MKX: variants seen among roughly 807,000 people sequenced by gnomAD.
MKX encodes mohawk homeobox.
Under a neutral mutation model 36.0 loss-of-function variants are expected in MKX, and 13 were observed. The ratio of observed to expected loss-of-function variants is 0.36; its 90% CI spans 0.24 to 0.57. MKX has a LOEUF of 0.57. Ranked by LOEUF, MKX falls within the 20% of genes least tolerant of loss-of-function variation. The probability of loss-of-function intolerance (pLI) is 0.79; values close to 1 mark genes in which losing one functional copy is unlikely to be tolerated. For synonymous variants in MKX, 176 were observed against 178.3 expected, an observed-to-expected ratio of 0.99 and a Z score of 0.10; for missense variants, 458 against 456.4, an observed-to-expected ratio of 1.00 and a Z score of -0.03.
rs1017119407 is a variant in MKX at position 27,744,480 on chromosome 10, C to T, written c.-82-983G>A. Among the ~76,000 whole-genome samples the T allele has an allele frequency of 2.6e-5, 4 of 152,048 alleles. No homozygotes were observed. In the South Asian group the frequency reaches 8.3e-4, roughly 32 times the overall value. Reference sequence around the variant, plus strand: ...AGCTCACCTCTGGGGTCGCGGAGGCCCTGAGCCTCTGCCTGCCGCGCACCG... The same window carrying T: ...AGCTCACCTCTGGGGTCGCGGAGGCTCTGAGCCTCTGCCTGCCGCGCACCG... On this transcript the variant is annotated intron_variant, in intron 1 of 6. Coordinates refer to ENST00000419761, the MANE Select transcript of MKX (RefSeq NM_173576.3). This position sits in a 1 kb window ranked among gnomAD's most constrained non-coding sequence, Gnocchi z 5.6.
chr10:27,737,228 T>C (rs888730579), intron 3 of MKX, among the ~76,000 whole-genome samples: 2 of 152,184 alleles, frequency 1.3e-5, no homozygotes, highest in South Asian at 4.1e-4. Context: ...ATCCGACTAC[T>C]TTATCCAGCC....
intron 5 of MKX, among the ~76,000 whole-genome samples, chr10:27,693,550 A>G (rs368190867): frequency 1.8e-4 from 28 of 152,324 alleles, no homozygotes; most frequent in African/African-American, 6.7e-4. Flanking sequence ...AGGCCATTTC[A>G]TGGAAATTTA....
chr10:27,745,159 C>T (rs921783910), intron 1 of MKX, among the ~76,000 whole-genome samples: 4 of 152,158 alleles, frequency 2.6e-5, no homozygotes, highest in African/African-American at 9.7e-5. Flanking sequence ...CTCCTAGATG[C>T]GACGACGTGT....
intron 5 of MKX, among the ~76,000 whole-genome samples, chr10:27,683,392 G>A (rs1330856644): frequency 6.6e-6 from 1 of 152,252 alleles, no homozygotes; most frequent in African/African-American, 2.4e-5. Flanking sequence ...TATGCAGAAG[G>A]CTATGCCGTC....
At chr10:27,735,098 T>A (rs1451148339) in intron 4 of MKX, 123 bp downstream of exon 4, 2 of 867,688 alleles carry the variant, frequency 2.3e-6, no homozygotes, top group African/African-American at 1.7e-5. Flanking sequence ...AGTTACTTCA[T>A]GCAATAAAAA....
intron 5 of MKX, among the ~76,000 whole-genome samples, chr10:27,723,541 T>C (rs1424220113): frequency 6.6e-6 from 1 of 152,206 alleles, no homozygotes; most frequent in Non-Finnish European, 1.5e-5. Context: ...AGCCACAATA[T>C]TGCAACCATC....
chr10:27,740,548 A>T (rs1379208729), intron 3 of MKX, among the ~76,000 whole-genome samples: 1 of 152,200 alleles, frequency 6.6e-6, no homozygotes, highest in Non-Finnish European at 1.5e-5. Flanking sequence ...ACTGCCTACA[A>T]CATCGTGGTT....
chr10:27,732,936 A>G (rs753482419), intron 5 of MKX, among the ~76,000 whole-genome samples: 1 of 152,062 alleles, frequency 6.6e-6, no homozygotes, highest in Non-Finnish European at 1.5e-5. Context: ...ATTTGTAGCA[A>G]TGGGGGTCTC....
In MKX at chr10:27,734,571, C is replaced by A. The variant is rs147198302; in HGVS notation, c.723G>T (p.Met241Ile). The change falls in exon 5 of 7, where the codon ATG becomes ATT. Residue 241 changes from methionine to isoleucine, a missense_variant. Met to Ile is a conservative substitution (Grantham distance 10). Around this residue, in one of 3 missense-constraint regions of MKX, gnomAD observed 297 missense variants for 304.4 expected, o/e 0.98. Coordinates refer to ENST00000419761, the MANE Select transcript of MKX (RefSeq NM_173576.3). ...LRHVMATNTT[M>I]MGKTRQRNHS... ...GGTTTCTTTGCCTTGTTTTTCCCAT[C>A]ATGGTAGTGTTCGTGGCCATGACAT... 6.2e-7 allele frequency: 1 copy of A among 1,614,032 alleles called. No individual in the cohort carries two copies. Among genetic ancestry groups the A allele is most frequent in the African/African-American group, 1.3e-5 (1 of 74,914 alleles).
At chr10:27,694,598 A>G (rs999053801) in intron 5 of MKX, among the ~76,000 whole-genome samples, 22 of 148,480 alleles carry the variant, frequency 1.5e-4, no homozygotes, top group African/African-American at 4.7e-4. Flanking sequence ...GGGAGGCTGA[A>G]GCAGGAGAAT....
At chr10:27,697,340 G>T (rs1441384158) in intron 5 of MKX, among the ~76,000 whole-genome samples, 1 of 152,156 alleles carries the variant, frequency 6.6e-6, no homozygotes, top group Non-Finnish European at 1.5e-5. Flanking sequence ...GCAGAATGTT[G>T]CCTCTTTCTC....
At position 27,675,528 on chromosome 10, in the gene MKX, C is replaced by G. The variant is rs775950548; in HGVS notation, c.865G>C (p.Gly289Arg). The G allele has an allele frequency of 6.2e-7, 1 of 1,614,030 alleles. No homozygotes were observed. ...TGGGAACATTTTGCTCACCTTTCAC[C>G]CTTATTGGATCCGTTTTCCAGAGTG... The part of the protein sequence containing the change: ...TDTLENGSNK[G>R]ESAANRKGPS... The change falls in exon 6 of 7, where the codon GGT (glycine) becomes CGT (arginine). Residue 289 changes from glycine (G) to arginine (R), a missense_variant. By Grantham distance (125) the Gly-to-Arg change is moderately radical. Around this residue, in one of 3 missense-constraint regions of MKX, gnomAD observed 297 missense variants for 304.4 expected, o/e 0.98. Transcript: ENST00000419761.
At chr10:27,714,463 C>T (rs1168873921) in intron 5 of MKX, among the ~76,000 whole-genome samples, 1 of 152,206 alleles carries the variant, frequency 6.6e-6, no homozygotes, top group African/African-American at 2.4e-5. Context: ...TAACAATCTT[C>T]ATTAATACAA....
chr10:27,704,372 G>C (rs1233033312), intron 5 of MKX, among the ~76,000 whole-genome samples: 1 of 151,996 alleles, frequency 6.6e-6, no homozygotes, highest in Non-Finnish European at 1.5e-5. Flanking sequence ...GCTAAGACTG[G>C]CTAGAAAAAC....
At chr10:27,713,188 A>G (rs1477720639) in intron 5 of MKX, among the ~76,000 whole-genome samples, 5 of 152,238 alleles carry the variant, frequency 3.3e-5, no homozygotes, top group Non-Finnish European at 7.3e-5. Context: ...GCCCTTGGGC[A>G]TCTCTAGAAA....
intron 5 of MKX, among the ~76,000 whole-genome samples, chr10:27,727,807 T>A (rs964393536): frequency 2.2e-4 from 33 of 152,170 alleles, no homozygotes; most frequent in African/African-American, 8.0e-4. Flanking sequence ...GGTGGAACAG[T>A]ATATAAGAAA....
At chr10:27,696,019 T>C (rs1203593226) in intron 5 of MKX, among the ~76,000 whole-genome samples, 1 of 152,194 alleles carries the variant, frequency 6.6e-6, no homozygotes, top group African/African-American at 2.4e-5. Flanking sequence ...CTAAAGCGGC[T>C]TTCTTGTAGG....
rs1183867145 is a variant in MKX, at chr10:27,742,712, C to G, written c.188+516G>C. ...GGGTTCGCCGCGGGCCCAGCCGAGCCGCGCTCACGCCCGGGACTCCCTGGC... is the reference window on the plus strand; with the variant it reads ...GGGTTCGCCGCGGGCCCAGCCGAGCGGCGCTCACGCCCGGGACTCCCTGGC... On this transcript the variant is annotated intron_variant, in intron 2 of 6. Transcript: ENST00000419761. This position sits in a 1 kb window ranked among gnomAD's most constrained non-coding sequence, Gnocchi z 4.2. 1.3e-5 allele frequency among the ~76,000 whole-genome samples: 2 copies of G among 151,922 alleles called. No individual in the cohort carries two copies. The highest frequency in any genetic ancestry group is 2.4e-5 in the African/African-American group (1 of 41,418).
Position 27,742,281 on chromosome 10 carries a change from G to T in MKX, c.189-777C>A, listed in dbSNP as rs759184797. On this transcript the variant is annotated intron_variant, in intron 2 of 6. Transcript: ENST00000419761. This position sits in a 1 kb window ranked among gnomAD's most constrained non-coding sequence, Gnocchi z 4.2. ...GGCCTGGGGCGCTGCGCTCCCTCAC[G>T]GGTCCGGGAGGTGTCGCGCGCGGCC... Among the ~76,000 whole-genome samples the T allele has an allele frequency of 6.6e-6, 1 of 152,154 alleles. No individual in the cohort carries two copies. The highest frequency in any genetic ancestry group is 6.5e-5 in the Admixed American group (1 of 15,290).
Sources: gnomAD v4.1 joint callset for allele counts (sites outside exome capture counted in the v4.1 genomes callset) on GRCh38, gnomAD v4.1.1 for gene constraint, gnomAD v4.1.1 regional missense constraint, Gnocchi (gnomAD v3.1) non-coding constraint, MANE v1.5 for transcripts, NCBI Gene and HGNC (gene_info 2026-07-23, HGNC 2026-07-21) for gene names.